The following IMMP2L variants were observed in gnomAD, a reference collection of about 807,000 sequenced individuals.
IMMP2L encodes the protein inner mitochondrial membrane peptidase subunit 2.
A neutral mutation model predicts 19.3 loss-of-function variants in IMMP2L; 18 were observed. The ratio of observed to expected loss-of-function variants is 0.93; its 90% CI spans 0.64 to 1.38. The LOEUF (loss-of-function observed/expected upper bound fraction) is 1.38. IMMP2L is among the 40% of genes most tolerant of loss of function. The pLI, the probability that IMMP2L is intolerant of heterozygous loss-of-function variation, is 0.00. For synonymous variants in IMMP2L, 76 were observed against 73.0 expected (o/e 1.04, Z -0.21); for missense variants, 233 against 218.2 (o/e 1.07, Z -0.43).
In IMMP2L at chr7:111,327,142, G is replaced by A. The variant is rs753480860; in HGVS notation, c.239+160096C>T. On this transcript the variant is annotated intron_variant, in intron 3 of 5. Coordinates refer to ENST00000405709, the MANE Select transcript of IMMP2L (RefSeq NM_032549.4). ...CATGAAATAGGCCAGTCACAGAAGC[G>A]CAAATACTGCATACATTCTACTTAT... Among the ~76,000 whole-genome samples, 11 of 151,816 alleles carry A rather than the reference G, an allele frequency of 7.2e-5. 1 individual carries two copies. Among genetic ancestry groups the A allele is most frequent in the Middle Eastern group, 3.4e-3 (1 of 294 alleles).
At chr7:111,238,521 G>A (rs1054948705) in intron 3 of IMMP2L, among the ~76,000 whole-genome samples, 6 of 151,932 alleles carry the variant, frequency 3.9e-5, no homozygotes, top group African/African-American at 1.2e-4. Context: ...AGGTTATAGA[G>A]ATGGATTTTT....
intron 5 of IMMP2L, among the ~76,000 whole-genome samples, chr7:110,837,881 A>G (rs1373036223): frequency 2.6e-5 from 4 of 152,130 alleles, no homozygotes; most frequent in African/African-American, 9.7e-5. Context: ...CTGGCAATTG[A>G]GCCTTTAATT....
intron 5 of IMMP2L, among the ~76,000 whole-genome samples, chr7:110,729,532 C>T (rs1796112645): frequency 6.6e-6 from 1 of 152,180 alleles, no homozygotes; most frequent in South Asian, 2.1e-4. Context: ...TTGGGTGGGA[C>T]ACAGAACCAA....
At chr7:110,672,998 G>A (rs551136776) in intron 5 of IMMP2L, among the ~76,000 whole-genome samples, 121 of 152,280 alleles carry the variant, frequency 7.9e-4, no homozygotes, top group Middle Eastern at 3.4e-3. Context: ...TGCCCCAGTG[G>A]GGACTCTGTG....
rs147440126 is a variant in IMMP2L at position 111,044,105 on chromosome 7, T to C, written c.240-80540A>G. Among the ~76,000 whole-genome samples the C allele has an allele frequency of 4.3e-3, 651 of 152,362 alleles. 4 individuals carry two copies. Among genetic ancestry groups the C allele is most frequent in the African/African-American group, 0.015 (631 of 41,590 alleles). ...ATTTTCAGTACAGTGAACTTAACTG[T>C]TCCCTGAATGCCTTCTGATCTATTT... On this transcript the variant is annotated intron_variant, in intron 3 of 5. Coordinates refer to ENST00000405709, the MANE Select transcript of IMMP2L (RefSeq NM_032549.4).
intron 5 of IMMP2L, among the ~76,000 whole-genome samples, chr7:110,700,286 C>T (rs1376323781): frequency 2.0e-5 from 3 of 152,134 alleles, no homozygotes; most frequent in Non-Finnish European, 1.5e-5. Context: ...TTGGTTTTTT[C>T]ACTTAATTGA....
At chr7:110,811,815 T>C (rs1802060947) in intron 5 of IMMP2L, among the ~76,000 whole-genome samples, 1 of 151,976 alleles carries the variant, frequency 6.6e-6, no homozygotes, top group Admixed American at 6.6e-5. Context: ...CTTCCCTAGT[T>C]GTTAGTCCAT....
At chr7:110,956,614 C>T (rs931939190) in intron 4 of IMMP2L, among the ~76,000 whole-genome samples, 10 of 151,898 alleles carry the variant, frequency 6.6e-5, no homozygotes, top group African/African-American at 2.4e-4. Flanking sequence ...CATCTTTTTT[C>T]ACTCTCAAAG....
intron 3 of IMMP2L, among the ~76,000 whole-genome samples, chr7:111,048,815 C>T (rs1039351234): frequency 6.6e-6 from 1 of 152,114 alleles, no homozygotes; most frequent in Non-Finnish European, 1.5e-5. Context: ...AAATAACTTA[C>T]ATTTCCTGAG....
At chr7:110,783,580 T>C (rs972014482) in intron 5 of IMMP2L, among the ~76,000 whole-genome samples, 2 of 151,814 alleles carry the variant, frequency 1.3e-5, no homozygotes, top group Non-Finnish European at 2.9e-5. Context: ...CTGGTATATA[T>C]AGACAGTCTT....
intron 3 of IMMP2L, among the ~76,000 whole-genome samples, chr7:111,094,775 C>A (rs903221342): frequency 3.3e-5 from 5 of 152,056 alleles, no homozygotes; most frequent in South Asian, 2.1e-4. Context: ...ACAATTATTT[C>A]TTTAGCCACA....
chr7:111,065,291 G>A (rs1794387714), intron 3 of IMMP2L, among the ~76,000 whole-genome samples: 2 of 152,120 alleles, frequency 1.3e-5, no homozygotes, highest in African/African-American at 4.8e-5. Context: ...ATAGCATTTG[G>A]TTTGGGGATT....
intron 5 of IMMP2L, among the ~76,000 whole-genome samples, chr7:110,696,028 T>G (rs962143775): frequency 6.6e-6 from 1 of 152,140 alleles, no homozygotes; most frequent in African/African-American, 2.4e-5. Context: ...AGAAACCACT[T>G]TTCAAAAGTG....
At chr7:110,679,620 T>C (rs1392809030) in intron 5 of IMMP2L, among the ~76,000 whole-genome samples, 2 of 152,054 alleles carry the variant, frequency 1.3e-5, no homozygotes, top group Non-Finnish European at 2.9e-5. Context: ...ACGTATCTGG[T>C]ACCCACTGCC....
chr7:111,419,211 T>C (rs38747), intron 3 of IMMP2L, among the ~76,000 whole-genome samples: 85,494 of 151,460 alleles, frequency 0.56, 25,146 homozygotes, highest in South Asian at 0.71. Context: ...TAAAAAATTT[T>C]GAATTATTAA....
At chr7:110,862,299 A>G (rs1466465769) in intron 5 of IMMP2L, among the ~76,000 whole-genome samples, 3 of 151,684 alleles carry the variant, frequency 2.0e-5, no homozygotes, top group Non-Finnish European at 4.4e-5. Context: ...GGGATCCAGA[A>G]TGTCTTTAGA....
chr7:111,010,320 T>C (rs1423131745), intron 3 of IMMP2L, among the ~76,000 whole-genome samples: 1 of 152,176 alleles, frequency 6.6e-6, no homozygotes, highest in Non-Finnish European at 1.5e-5. Flanking sequence ...GTCTTACATC[T>C]TTAGTAATGT....
intron 3 of IMMP2L, among the ~76,000 whole-genome samples, chr7:111,002,654 T>C (rs751799033): frequency 6.6e-6 from 1 of 152,190 alleles, no homozygotes; most frequent in African/African-American, 2.4e-5. Flanking sequence ...GGGTAATTTT[T>C]AAAATGGAAA....
intron 3 of IMMP2L, among the ~76,000 whole-genome samples, chr7:111,077,051 A>G (rs1434132550): frequency 1.3e-5 from 2 of 152,208 alleles, no homozygotes; most frequent in Admixed American, 1.3e-4. Context: ...TCTCAAGATG[A>G]AAGGCTGGCT....
Sources: gnomAD v4.1 joint callset for allele counts (sites outside exome capture counted in the v4.1 genomes callset) on GRCh38, gnomAD v4.1.1 for gene constraint, MANE v1.5 for transcripts, NCBI Gene and HGNC (gene_info 2026-07-23, HGNC 2026-07-21) for gene names.